The following MAD1L1 variants were observed in gnomAD, a reference collection of about 807,000 sequenced individuals.
The protein encoded by MAD1L1 is mitotic spindle assembly checkpoint protein MAD1.
In MAD1L1, 95 loss-of-function variants were observed where a neutral mutation model predicts 96.9. The observed-to-expected ratio is 0.98, with a 90% CI of 0.83 to 1.16. MAD1L1 has a LOEUF of 1.16. Ranked by LOEUF, MAD1L1 falls within the 50% of genes most tolerant of loss-of-function variation. MAD1L1 has a pLI of 0.00. For synonymous variants in MAD1L1, 473 were observed against 396.6 expected (o/e 1.19, Z -2.29); for missense variants, 1,007 against 954.4 (o/e 1.06, Z -0.73).
At chr7:1,847,250 A>G (rs1161269936) in intron 18 of MAD1L1, 1 of 470,936 alleles carries the variant, frequency 2.1e-6, no homozygotes, top group East Asian at 6.9e-5. Flanking sequence ...CTGTTTAGGA[A>G]GCACTGGTTT....
At chr7:1,995,455 A>AGCAC (rs1433791010) in intron 14 of MAD1L1, among the ~76,000 whole-genome samples, 1 of 152,170 alleles carries the variant, frequency 6.6e-6, no homozygotes, top group African/African-American at 2.4e-5. Flanking sequence ...CAGGCAGTGA[A>AGCAC]GCACCTGCCT....
chr7:1,902,716 G>A (rs1787324164), intron 17 of MAD1L1, among the ~76,000 whole-genome samples: 1 of 152,266 alleles, frequency 6.6e-6, no homozygotes, highest in African/African-American at 2.4e-5. Context: ...ACGTCCTGCA[G>A]TGGGAAGGAG....
chr7:2,148,171 C>A (rs1018223244), intron 11 of MAD1L1, among the ~76,000 whole-genome samples: 3 of 152,170 alleles, frequency 2.0e-5, no homozygotes, highest in African/African-American at 7.2e-5. Context: ...TGACATCAGC[C>A]CCCAAAATAA....
chr7:1,936,992 A>T, intron 16 of MAD1L1, 95 bp from the exon 17 acceptor site: 1 of 961,900 alleles, frequency 1.0e-6, no homozygotes. Context: ...AGGAAGACAC[A>T]CAGCACGGGT....
chr7:2,191,111 A>C (rs917341130), intron 10 of MAD1L1, among the ~76,000 whole-genome samples: 5 of 152,248 alleles, frequency 3.3e-5, no homozygotes, highest in African/African-American at 1.2e-4. Flanking sequence ...TACAAGCAAC[A>C]AATGTGAATG....
At chr7:2,120,987 C>T (rs1787950320) in intron 11 of MAD1L1, among the ~76,000 whole-genome samples, 2 of 152,204 alleles carry the variant, frequency 1.3e-5, no homozygotes, top group South Asian at 2.1e-4. Flanking sequence ...CAGGCGGCTG[C>T]CATCACAGCA....
At chr7:1,999,823 A>C (rs1385478205) in intron 14 of MAD1L1, among the ~76,000 whole-genome samples, 1 of 152,148 alleles carries the variant, frequency 6.6e-6, no homozygotes, top group African/African-American at 2.4e-5. Context: ...CGCAGGGCCC[A>C]GGGCAATCCT....
chr7:2,109,057 G>A (rs1158214449), intron 11 of MAD1L1, among the ~76,000 whole-genome samples: 2 of 152,142 alleles, frequency 1.3e-5, no homozygotes, highest in South Asian at 2.1e-4. Context: ...CCCCGCACCC[G>A]CTCTGCAGCT....
chr7:1,900,674 T>C (rs1388731040), intron 17 of MAD1L1, among the ~76,000 whole-genome samples: 1 of 152,128 alleles, frequency 6.6e-6, no homozygotes, highest in Non-Finnish European at 1.5e-5. Context: ...GAGACCACAT[T>C]TCAGAGGCCA....
intron 11 of MAD1L1, among the ~76,000 whole-genome samples, chr7:2,141,895 G>A (rs978460615): frequency 1.3e-5 from 2 of 152,240 alleles, no homozygotes; most frequent in Non-Finnish European, 2.9e-5. Context: ...CAGTGGAGAA[G>A]AGAGGGGGAC....
chr7:2,055,448 G>C (rs868215017), intron 12 of MAD1L1, among the ~76,000 whole-genome samples: 1 of 152,090 alleles, frequency 6.6e-6, no homozygotes, highest in African/African-American at 2.4e-5. Flanking sequence ...GTGAGACATG[G>C]GGACCGCAGG....
intron 17 of MAD1L1, among the ~76,000 whole-genome samples, chr7:1,911,779 C>T (rs558516198): frequency 6.6e-6 from 1 of 152,122 alleles, no homozygotes; most frequent in African/African-American, 2.4e-5. Flanking sequence ...CTCTCCAGTC[C>T]GGCGTCACCT....
rs577062495 is a variant in MAD1L1 at position 2,007,647 on chromosome 7, C to T, written c.1360-5526G>A. Among the ~76,000 whole-genome samples the T allele has an allele frequency of 8.5e-5, 13 of 152,330 alleles. 1 individual carries two copies. The South Asian group carries it at 2.7e-3, about 32-fold the overall frequency. ...CAAGATCACGCCACTACATTCCAGC[C>T]CGGGCGACTGAGCGAGACTCTGTCC... On this transcript the variant is annotated intron_variant, in intron 13 of 18. Transcript: ENST00000265854.
intron 10 of MAD1L1, among the ~76,000 whole-genome samples, chr7:2,184,895 G>A (rs1263658305): frequency 2.6e-5 from 4 of 152,096 alleles, no homozygotes; most frequent in African/African-American, 4.8e-5. Flanking sequence ...CCAGCTAGTC[G>A]GGAGGCTGAG....
At chr7:2,096,428 C>T (rs373042375) in intron 11 of MAD1L1, among the ~76,000 whole-genome samples, 11 of 152,328 alleles carry the variant, frequency 7.2e-5, no homozygotes, top group Admixed American at 1.3e-4. Context: ...AGTGCGGACT[C>T]GGCTTTCACT....
At chr7:2,121,924 G>A (rs542238191) in intron 11 of MAD1L1, among the ~76,000 whole-genome samples, 3 of 152,210 alleles carry the variant, frequency 2.0e-5, no homozygotes, top group Admixed American at 6.5e-5. Context: ...GACACCTGAG[G>A]GACCGGCAAA....
intron 17 of MAD1L1, among the ~76,000 whole-genome samples, chr7:1,914,727 C>A (rs901923806): frequency 6.6e-6 from 1 of 152,206 alleles, no homozygotes; most frequent in Admixed American, 6.5e-5. Flanking sequence ...CATTGTCCTG[C>A]CTCAGCCTCC....
chr7:2,114,351 C>T lies in MAD1L1; in HGVS notation c.1073+34801G>A, dbSNP rs1173369395. ...TGAGCAGGGAACCAGGGGGCCTTCC[C>T]TACACAGAGCACAGCTCCCACCCTG... is the stretch of plus-strand genomic sequence containing the variant. On this transcript the variant is annotated intron_variant, in intron 11 of 18. Coordinates refer to ENST00000265854, the MANE Select transcript of MAD1L1 (RefSeq NM_001013836.2). This position sits in a 1 kb window ranked among gnomAD's most constrained non-coding sequence, Gnocchi z 4.2. Among the ~76,000 whole-genome samples the T allele has an allele frequency of 4.6e-5, 7 of 152,244 alleles. No individual in the cohort carries two copies. Among genetic ancestry groups the T allele is most frequent in the Admixed American group, 4.6e-4 (7 of 15,290 alleles).
intron 11 of MAD1L1, among the ~76,000 whole-genome samples, chr7:2,075,101 C>T (rs963748180): frequency 2.6e-5 from 4 of 152,118 alleles, no homozygotes; most frequent in African/African-American, 4.8e-5. Flanking sequence ...CATGAGGTGC[C>T]GGCGTCTCGA....
Sources: allele counts gnomAD v4.1 joint callset (sites outside exome capture counted in the v4.1 genomes callset), GRCh38; gene constraint gnomAD v4.1.1; non-coding constraint Gnocchi (gnomAD v3.1); transcripts MANE v1.5; gene names NCBI Gene and HGNC (gene_info 2026-07-23, HGNC 2026-07-21).